Variants in ST3GAL3 observed in about 807,000 individuals in gnomAD.
ST3GAL3 encodes ST3 beta-galactoside alpha-2,3-sialyltransferase 3.
ST3GAL3 carries 21 observed loss-of-function variants against 50.1 expected under a neutral mutation model. The observed-to-expected ratio is 0.42, with a 90% CI of 0.30 to 0.60. The LOEUF is 0.60. Ranked by LOEUF, ST3GAL3 falls within the 20% of genes least tolerant of loss-of-function variation. The pLI, the probability that ST3GAL3 is intolerant of heterozygous loss-of-function variation, is 0.19. For missense variants in ST3GAL3, 353 were observed against 489.4 expected (o/e 0.72, Z 2.63); for synonymous variants, 183 against 190.0 (o/e 0.96, Z 0.30).
At chr1:43,897,540 A>G (rs1309905332) in intron 6 of ST3GAL3, among the ~76,000 whole-genome samples, 1 of 152,164 alleles carries the variant, frequency 6.6e-6, no homozygotes, top group Non-Finnish European at 1.5e-5. Flanking sequence ...CTTATTGCCA[A>G]AGCCAGAGAG....
chr1:43,760,571 C>G (rs1386728578), intron 2 of ST3GAL3, among the ~76,000 whole-genome samples: 1 of 152,162 alleles, frequency 6.6e-6, no homozygotes. Context: ...CCGGCTAACA[C>G]GGTGAAACCC....
intron 3 of ST3GAL3, among the ~76,000 whole-genome samples, chr1:43,795,830 G>A (rs889860950): frequency 6.6e-6 from 1 of 152,170 alleles, no homozygotes; most frequent in African/African-American, 2.4e-5. Context: ...CAGACAGATA[G>A]GGGAAGAATA....
At chr1:43,911,575 A>G (rs2080865054) in intron 9 of ST3GAL3, among the ~76,000 whole-genome samples, 1 of 151,556 alleles carries the variant, frequency 6.6e-6, no homozygotes, top group African/African-American at 2.4e-5. Flanking sequence ...ATCTGTAGCT[A>G]TAGATATCTA....
At chr1:43,823,225 T>G (rs1188689029) in intron 4 of ST3GAL3, among the ~76,000 whole-genome samples, 1 of 152,174 alleles carries the variant, frequency 6.6e-6, no homozygotes, top group Non-Finnish European at 1.5e-5. Context: ...ATCTTGTTAC[T>G]CCTGTGATCA....
In ST3GAL3 at chr1:43,811,143, TTGCCATTTCCAAACTTAGAG is replaced by T. The variant is rs367778976; in HGVS notation, c.167-3743_167-3724del. 3.8e-3 allele frequency among the ~76,000 whole-genome samples: 577 copies of T among 152,260 alleles called. 4 individuals carry two copies. The highest frequency in any genetic ancestry group is 0.013 in the African/African-American group (549 of 41,544). On this transcript the variant is annotated intron_variant, in intron 3 of 11. Coordinates refer to ENST00000347631, the MANE Select transcript of ST3GAL3 (RefSeq NM_006279.5). ...ATAAAAATTCCATGGTCACAGTGAG[TTGCCATTTCCAAACTTAGAG>T]TGCCCCATCTTGTGTAACAGTCACA...
intron 9 of ST3GAL3, among the ~76,000 whole-genome samples, chr1:43,916,335 T>G (rs2081795990): frequency 6.6e-6 from 1 of 152,170 alleles, no homozygotes; most frequent in Non-Finnish European, 1.5e-5. Flanking sequence ...GCAGTAGGTT[T>G]GGGATCAAGG....
At chr1:43,817,773 T>C (rs1238412037) in intron 4 of ST3GAL3, among the ~76,000 whole-genome samples, 7 of 108,588 alleles carry the variant, frequency 6.4e-5, no homozygotes, top group African/African-American at 2.3e-4. Context: ...CTCTTCTTCT[T>C]CTCCTCCTTC....
chr1:43,920,529 C>T lies in ST3GAL3; in HGVS notation c.870C>T (p.Asn290=), dbSNP rs1262869719. 6.2e-7 allele frequency: 1 copy of T among 1,614,038 alleles called. No homozygotes were observed. Among genetic ancestry groups the T allele is most frequent in the African/African-American group, 1.3e-5 (1 of 74,924 alleles). The change falls in exon 10 of 12, where the codon AAC becomes AAT. Residue 290 remains asparagine (N), a synonymous_variant. Transcript: ENST00000347631. Reference sequence around the variant, plus strand: ...TCACCCTCATTGGCCTGCCCTTCAACAATGGCCTCATGGGCCGGGGGGTGA... The same window carrying T: ...TCACCCTCATTGGCCTGCCCTTCAATAATGGCCTCATGGGCCGGGGGGTGA... The part of the protein sequence containing the change: ...AAFTLIGLPF[N]NGLMGRGNIP...
At chr1:43,928,072 A>G (rs1571681403) in intron 11 of ST3GAL3, among the ~76,000 whole-genome samples, 1 of 152,336 alleles carries the variant, frequency 6.6e-6, no homozygotes, top group East Asian at 1.9e-4. Context: ...CAGATGTAAA[A>G]GATTTGGAAG....
chr1:43,874,222 A>G (rs1319064879), intron 5 of ST3GAL3, among the ~76,000 whole-genome samples: 1 of 152,234 alleles, frequency 6.6e-6, no homozygotes, highest in African/African-American at 2.4e-5. Flanking sequence ...TGTCCCAGGC[A>G]AATCACAATG....
chr1:43,772,107 T>C (rs1440883754), intron 2 of ST3GAL3: 1 of 398,370 alleles, frequency 2.5e-6, no homozygotes, highest in Admixed American at 4.4e-5. Context: ...TGGAGTGTGA[T>C]GGCATAATCT....
chr1:43,910,705 A>G (rs1212458930), intron 9 of ST3GAL3, among the ~76,000 whole-genome samples: 1 of 152,232 alleles, frequency 6.6e-6, no homozygotes, highest in African/African-American at 2.4e-5. Flanking sequence ...CCTTCAGGAT[A>G]CAGATGAACC....
At chr1:43,793,376 G>A (rs1448549213) in intron 3 of ST3GAL3, among the ~76,000 whole-genome samples, 1 of 152,040 alleles carries the variant, frequency 6.6e-6, no homozygotes, top group Non-Finnish European at 1.5e-5. Context: ...TTGTGTTACA[G>A]ACATTTCAAT....
At chr1:43,819,981 C>T (rs555324763) in intron 4 of ST3GAL3, among the ~76,000 whole-genome samples, 1 of 151,998 alleles carries the variant, frequency 6.6e-6, no homozygotes, top group African/African-American at 2.4e-5. Flanking sequence ...TATACGAAAC[C>T]AAAAAAGAGG....
At chr1:43,817,658 TCC>T (rs2061519035) in intron 4 of ST3GAL3, among the ~76,000 whole-genome samples, 1 of 139,046 alleles carries the variant, frequency 7.2e-6, no homozygotes. Flanking sequence ...CTCCTCCTTC[TCC>T]TTCTTCTCCT....
At chr1:43,757,020 C>G (rs1688380761) in intron 2 of ST3GAL3, among the ~76,000 whole-genome samples, 1 of 152,128 alleles carries the variant, frequency 6.6e-6, no homozygotes. Flanking sequence ...TCTCCTGGCT[C>G]AGCACCCCCA....
chr1:43,739,508 C>G (rs1679918628), intron 2 of ST3GAL3, among the ~76,000 whole-genome samples: 1 of 152,152 alleles, frequency 6.6e-6, no homozygotes, highest in African/African-American at 2.4e-5. Context: ...AGCCACTGCA[C>G]TTGGCCTGAG....
chr1:43,917,465 T>A (rs1460705591), intron 9 of ST3GAL3, among the ~76,000 whole-genome samples: 2 of 91,120 alleles, frequency 2.2e-5, no homozygotes, highest in African/African-American at 4.7e-5. Context: ...ATAATATATA[T>A]AATATATAAT....
At chr1:43,803,645 C>G (rs747441583) in intron 3 of ST3GAL3, among the ~76,000 whole-genome samples, 6 of 152,268 alleles carry the variant, frequency 3.9e-5, no homozygotes, top group Non-Finnish European at 8.8e-5. Context: ...AGTTTCTGAA[C>G]CTTTTAAGAG....
Sources: allele counts gnomAD v4.1 joint callset (sites outside exome capture counted in the v4.1 genomes callset), GRCh38; gene constraint gnomAD v4.1.1; transcripts MANE v1.5; gene names NCBI Gene and HGNC (gene_info 2026-07-23, HGNC 2026-07-21).